Variants in MLXIPL observed in about 807,000 individuals in gnomAD.
MLXIPL encodes carbohydrate-responsive element-binding protein.
In MLXIPL, 49 loss-of-function variants were observed where a neutral mutation model predicts 81.5. The observed-to-expected ratio is 0.60, with a 90% confidence interval of 0.48 to 0.76. The LOEUF (loss-of-function observed/expected upper bound fraction) is 0.76, where lower values mean the gene tolerates loss of function less well. Ranked by LOEUF, MLXIPL falls within the 30% of genes least tolerant of loss-of-function variation. The pLI is 0.00. For missense variants in MLXIPL, 1,053 were observed against 1,167.0 expected (o/e 0.90, Z 1.42); for synonymous variants, 466 against 485.5 (o/e 0.96, Z 0.53).
At chr7:73,612,098 A>G (rs1371696780) in intron 2 of MLXIPL, among the ~76,000 whole-genome samples, 5 of 151,740 alleles carry the variant, frequency 3.3e-5, no homozygotes, top group African/African-American at 9.7e-5. Flanking sequence ...GGCTGAACTG[A>G]GAGGATTGCT....
chr7:73,633,458 G>A, the MLXIPL span, among the ~76,000 whole-genome samples: 81 of 150,606 alleles, frequency 5.4e-4, no homozygotes, highest in Middle Eastern at 3.4e-3. Flanking sequence ...CAGTCCTCCC[G>A]CCATGGTGTG....
At chr7:73,599,754 G>A in intron 7 of MLXIPL, 59 bp from the exon 8 acceptor site, 2 of 1,529,680 alleles carry the variant, frequency 1.3e-6, no homozygotes, top group Non-Finnish European at 1.8e-6. Flanking sequence ...CTGGGAAACA[G>A]CTGAGAGGAG....
chr7:73,627,342 G>A (rs1442924346), upstream of MLXIPL, among the ~76,000 whole-genome samples: 8 of 149,440 alleles, frequency 5.4e-5, no homozygotes, highest in South Asian at 2.1e-4. Flanking sequence ...TCCGCCTCCC[G>A]GGCTCAAGCG....
chr7:73,595,467 T>G (rs1353265537), intron 15 of MLXIPL, among the ~76,000 whole-genome samples, 170 bp downstream of exon 15: 1 of 152,122 alleles, frequency 6.6e-6, no homozygotes. Flanking sequence ...GCAATTTTGC[T>G]GGCCAAGATG....
At chr7:73,636,633 C>T in the MLXIPL span, among the ~76,000 whole-genome samples, 2 of 152,270 alleles carry the variant, frequency 1.3e-5, no homozygotes, top group Admixed American at 1.3e-4. Flanking sequence ...CTAGGCTTGG[C>T]TCCAGTGGGC....
upstream of MLXIPL, among the ~76,000 whole-genome samples, chr7:73,627,763 G>A (rs1029046769): frequency 2.0e-5 from 3 of 151,780 alleles, no homozygotes; most frequent in Non-Finnish European, 4.4e-5. Flanking sequence ...AGCGGGTGGG[G>A]TGCTGTGGAG....
chr7:73,614,053 A>G (rs1002773695), intron 2 of MLXIPL, among the ~76,000 whole-genome samples: 12 of 152,120 alleles, frequency 7.9e-5, no homozygotes, highest in Admixed American at 7.2e-4. Flanking sequence ...AAGGGAAGTA[A>G]ACAAACAACA....
intron 2 of MLXIPL, among the ~76,000 whole-genome samples, chr7:73,607,968 T>C (rs1795441952): frequency 1.3e-5 from 2 of 150,378 alleles, no homozygotes; most frequent in African/African-American, 4.9e-5. Context: ...GCGATTCTCC[T>C]GCCTCAGCCT....
chr7:73,624,142 A>T, intron 1 of MLXIPL, 58 bp downstream of exon 1: 67 of 805,710 alleles, frequency 8.3e-5, no homozygotes, highest in Middle Eastern at 4.2e-4. Flanking sequence ...CCTGCCCCGG[A>T]CCCCCCCCCC....
intron 2 of MLXIPL, among the ~76,000 whole-genome samples, chr7:73,612,988 G>T (rs1795794190): frequency 1.3e-5 from 2 of 152,142 alleles, no homozygotes; most frequent in African/African-American, 4.8e-5. Flanking sequence ...GGTGCAAAGT[G>T]CCAGGGAGCT....
chr7:73,594,095 C>G (rs1264790501), intron 16 of MLXIPL, 112 bp from the exon 17 acceptor site: 211 of 1,363,912 alleles, frequency 1.5e-4, no homozygotes, highest in Non-Finnish European at 2.1e-4. Context: ...ACTGTCACCC[C>G]CTCCTAGAAC....
upstream of MLXIPL, among the ~76,000 whole-genome samples, chr7:73,628,258 T>A (rs1353914252): frequency 6.6e-6 from 1 of 151,912 alleles, no homozygotes; most frequent in Non-Finnish European, 1.5e-5. Context: ...GGGACTTTCC[T>A]CTGAGCTGGA....
intron 7 of MLXIPL, among the ~76,000 whole-genome samples, chr7:73,602,614 G>T (rs1554596703): frequency 6.6e-6 from 1 of 151,882 alleles, no homozygotes; most frequent in African/African-American, 2.4e-5. Context: ...CGGGAGGTGG[G>T]GGTTGCAGTG....
rs1796549764 is a variant in MLXIPL at position 73,623,996 on chromosome 7, C to T, written c.293+204G>A. Among the ~76,000 whole-genome samples the T allele has an allele frequency of 6.6e-6, 1 of 151,814 alleles. No homozygotes were observed. Among genetic ancestry groups the T allele is most frequent in the Non-Finnish European group, 1.5e-5 (1 of 67,954 alleles). Reference sequence around the variant, plus strand: ...AATGGGAATCAGAAATGCGTGGGTCCGTCAGGGGCCAGCGGGCTGGGCCGC... The same window carrying T: ...AATGGGAATCAGAAATGCGTGGGTCTGTCAGGGGCCAGCGGGCTGGGCCGC... On this transcript the variant is annotated intron_variant, in intron 1 of 16. Coordinates refer to ENST00000313375, the MANE Select transcript of MLXIPL (RefSeq NM_032951.3). The surrounding 1 kb of genome is among the most constrained non-coding windows in gnomAD (Gnocchi z 5.7).
upstream of MLXIPL, among the ~76,000 whole-genome samples, chr7:73,629,294 C>A (rs1178851273): frequency 6.6e-6 from 1 of 152,158 alleles, no homozygotes; most frequent in Non-Finnish European, 1.5e-5. Context: ...CCCTCTTCAG[C>A]CTCCCAAAGT....
the MLXIPL span, among the ~76,000 whole-genome samples, chr7:73,646,293 C>T: frequency 3.0e-4 from 45 of 152,260 alleles, no homozygotes; most frequent in Middle Eastern, 6.8e-3. Flanking sequence ...ATGACCTCTC[C>T]CACTTCCACG....
At chr7:73,639,158 T>C in the MLXIPL span, among the ~76,000 whole-genome samples, 1 of 152,076 alleles carries the variant, frequency 6.6e-6, no homozygotes, top group Admixed American at 6.6e-5. Flanking sequence ...TTTGGCTGCT[T>C]CCGGGGGAGG....
At chr7:73,595,135 C>T (rs1030971418) in intron 15 of MLXIPL, among the ~76,000 whole-genome samples, 3 of 151,970 alleles carry the variant, frequency 2.0e-5, no homozygotes, top group Admixed American at 1.3e-4. Flanking sequence ...CGTGAGCCAC[C>T]GCACCTGGCT....
At chr7:73,604,413 C>T (rs927774935) in intron 7 of MLXIPL, among the ~76,000 whole-genome samples, 2 of 150,480 alleles carry the variant, frequency 1.3e-5, no homozygotes, top group Non-Finnish European at 3.0e-5. Context: ...CTCTTCAAAA[C>T]ATAAAAAAAA....
Sources: gnomAD v4.1 joint callset for allele counts (sites outside exome capture counted in the v4.1 genomes callset) on GRCh38, gnomAD v4.1.1 for gene constraint, Gnocchi (gnomAD v3.1) non-coding constraint, MANE v1.5 for transcripts, NCBI Gene and HGNC (gene_info 2026-07-23, HGNC 2026-07-21) for gene names.